Variants in MRTFB observed in about 807,000 individuals in gnomAD.
MRTFB encodes myocardin-related transcription factor B.
MRTFB carries 29 observed loss-of-function variants against 104.2 expected under a neutral mutation model. That is an observed-to-expected ratio of 0.28 (90% CI 0.21 to 0.38). MRTFB has a LOEUF of 0.38. Among genes scored for constraint, MRTFB ranks in the 10% least tolerant of loss-of-function variants. The pLI, the probability that MRTFB is intolerant of heterozygous loss-of-function variation, is 1.00. For missense variants in MRTFB, 1,270 were observed against 1,341.6 expected (o/e 0.95, Z 0.83); for synonymous variants, 535 against 519.5 (o/e 1.03, Z -0.41).
At chr16:14,071,679 C>T (rs1418995547) in intron 1 of MRTFB, among the ~76,000 whole-genome samples, 1 of 152,164 alleles carries the variant, frequency 6.6e-6, no homozygotes, top group Non-Finnish European at 1.5e-5. Context: ...TTTATGGAGC[C>T]TCTGCTGTGT....
chr16:14,127,977 T>C (rs1347022859), intron 2 of MRTFB, among the ~76,000 whole-genome samples: 4 of 145,432 alleles, frequency 2.8e-5, no homozygotes, highest in Non-Finnish European at 4.5e-5. Context: ...TCTAATTCAT[T>C]GGTGTTACTG....
intron 8 of MRTFB, among the ~76,000 whole-genome samples, chr16:14,229,347 C>CATTG (rs2042157717): frequency 6.6e-6 from 1 of 151,746 alleles, no homozygotes; most frequent in South Asian, 2.1e-4. Flanking sequence ...TTATTCAACT[C>CATTG]ATTTTTCATT....
chr16:14,113,716 A>T (rs955254429), intron 2 of MRTFB, among the ~76,000 whole-genome samples: 1 of 152,184 alleles, frequency 6.6e-6, no homozygotes, highest in African/African-American at 2.4e-5. Context: ...TAAGGAATTT[A>T]GGAGGGGCTG....
upstream of MRTFB, among the ~76,000 whole-genome samples, chr16:14,068,964 T>A (rs1049564137): frequency 4.0e-5 from 3 of 74,116 alleles, no homozygotes; most frequent in Middle Eastern, 5.8e-3. Flanking sequence ...ATTCTCCAGC[T>A]TTTTTTTTTT....
At chr16:13,995,940 T>G in the MRTFB span, among the ~76,000 whole-genome samples, 3 of 152,022 alleles carry the variant, frequency 2.0e-5, no homozygotes, top group Admixed American at 6.6e-5. Flanking sequence ...TCATGTAGCT[T>G]CCCCTCATTC....
chr16:14,181,582 A>G (rs7499469), intron 3 of MRTFB, among the ~76,000 whole-genome samples: 2,749 of 152,332 alleles, frequency 0.018, 80 homozygotes, highest in African/African-American at 0.061. Context: ...ATGCTACCAG[A>G]AAAGTATGCC....
intron 8 of MRTFB, among the ~76,000 whole-genome samples, chr16:14,223,418 TTAAAG>T (rs1231038830): frequency 1.3e-5 from 2 of 152,052 alleles, no homozygotes; most frequent in Non-Finnish European, 2.9e-5. Context: ...GACAAAGACT[TTAAAG>T]TAATTATCTT....
At chr16:14,062,074 A>ATTTTGTTTTGTTTTG in the MRTFB span, among the ~76,000 whole-genome samples, 1 of 150,526 alleles carries the variant, frequency 6.6e-6, no homozygotes, top group East Asian at 2.0e-4. Flanking sequence ...AAGGACCCAG[A>ATTTTGTTTTGTTTTG]TTTTGTTTTG....
intron 1 of MRTFB, among the ~76,000 whole-genome samples, chr16:14,077,860 A>G (rs1345730141): frequency 6.6e-6 from 1 of 152,312 alleles, no homozygotes; most frequent in Non-Finnish European, 1.5e-5. Flanking sequence ...GAAAGGACCC[A>G]TAAAGAAAAA....
At chr16:14,166,651 C>T (rs1409690129) in intron 3 of MRTFB, among the ~76,000 whole-genome samples, 1 of 152,116 alleles carries the variant, frequency 6.6e-6, no homozygotes, top group Non-Finnish European at 1.5e-5. Flanking sequence ...TCCTGATGCT[C>T]TCCTGCCCAC....
chr16:14,161,711 C>T (rs1427978428), intron 3 of MRTFB, among the ~76,000 whole-genome samples: 2 of 152,068 alleles, frequency 1.3e-5, no homozygotes, highest in Admixed American at 6.5e-5. Context: ...TCTTCTTTAG[C>T]ATATAGAAGG....
At chr16:14,198,519 T>A (rs552238651) in intron 3 of MRTFB, among the ~76,000 whole-genome samples, 1 of 152,364 alleles carries the variant, frequency 6.6e-6, no homozygotes, top group East Asian at 1.9e-4. Context: ...CCATGCAGTT[T>A]CCTGATTTCT....
At position 14,152,903 on chromosome 16, in the gene MRTFB, G is replaced by A. The variant is rs544354671; in HGVS notation, c.154+12143G>A. ...TCCTATACAATCAAAAATTTCTTAA[G>A]ATTTGATATCTGATTCTGTTGTAGG... On this transcript the variant is annotated intron_variant, in intron 3 of 16. Transcript: ENST00000571589. 4.1e-4 allele frequency: 62 copies of A among 152,250 alleles called. 1 individual carries two copies. Among genetic ancestry groups the A allele is most frequent in the African/African-American group, 1.4e-3 (58 of 41,556 alleles). The allele number at this position is 152,250 out of a possible 1,614,324, so 9.4% of individuals were successfully genotyped here. A position where few individuals can be genotyped will look rare whatever the true frequency, so the allele number is the denominator to read the frequency against.
the MRTFB span, among the ~76,000 whole-genome samples, chr16:14,040,433 G>A: frequency 1.3e-5 from 2 of 151,858 alleles, no homozygotes; most frequent in Non-Finnish European, 2.9e-5. Flanking sequence ...CACAAAGTAG[G>A]AGTGTTTCCG....
chr16:14,185,952 C>A (rs920514607), intron 3 of MRTFB, among the ~76,000 whole-genome samples: 2 of 152,106 alleles, frequency 1.3e-5, no homozygotes, highest in African/African-American at 4.8e-5. Flanking sequence ...GGAGAGGTGC[C>A]CATCCTTGAT....
chr16:14,207,971 A>G (rs1374496023), intron 3 of MRTFB, among the ~76,000 whole-genome samples: 1 of 150,996 alleles, frequency 6.6e-6, no homozygotes, highest in African/African-American at 2.4e-5. Flanking sequence ...CACTAACTCC[A>G]GGTACCTAGT....
At chr16:14,064,261 T>C in the MRTFB span, among the ~76,000 whole-genome samples, 9 of 152,222 alleles carry the variant, frequency 5.9e-5, no homozygotes, top group African/African-American at 1.2e-4. Context: ...GCTTGTTGGC[T>C]GTATACATGT....
chr16:14,128,415 C>T (rs1012580850), intron 2 of MRTFB, among the ~76,000 whole-genome samples: 5 of 152,244 alleles, frequency 3.3e-5, no homozygotes, highest in Middle Eastern at 3.4e-3. Flanking sequence ...CTGAAATAAC[C>T]GTTACTTTGA....
the MRTFB span, among the ~76,000 whole-genome samples, chr16:14,055,706 A>T: frequency 1.3e-5 from 2 of 152,178 alleles, no homozygotes; most frequent in Non-Finnish European, 2.9e-5. Context: ...TCATATCAAC[A>T]TATCAACATG....
Sources: allele counts gnomAD v4.1 joint callset (sites outside exome capture counted in the v4.1 genomes callset), GRCh38; gene constraint gnomAD v4.1.1; transcripts MANE v1.5; gene names NCBI Gene and HGNC (gene_info 2026-07-23, HGNC 2026-07-21).